The following LY96 variants were observed in gnomAD, a reference collection of about 807,000 sequenced individuals.
LY96 encodes the protein lymphocyte antigen 96, also known as myeloid differentiation protein-2.
A neutral mutation model predicts 18.9 loss-of-function variants in LY96; 18 were observed. That is an observed-to-expected ratio of 0.95 (90% CI 0.66 to 1.41). The LOEUF is 1.41. Ranked by LOEUF, LY96 falls within the 40% of genes most tolerant of loss-of-function variation. The pLI, the probability that LY96 is intolerant of heterozygous loss-of-function variation, is 0.00. For missense variants in LY96, 175 were observed against 182.4 expected, an observed-to-expected ratio of 0.96 and a Z score of 0.23; for synonymous variants, 66 against 62.6, an observed-to-expected ratio of 1.06 and a Z score of -0.26.
downstream of LY96, among the ~76,000 whole-genome samples, chr8:74,031,941 C>T (rs117897092): frequency 1.6e-3 from 244 of 151,888 alleles, 2 homozygotes; most frequent in East Asian, 0.035. Flanking sequence ...CTGGCCAAGA[C>T]GGTGAAACCC....
chr8:73,993,685 C>A (rs569091179), intron 1 of LY96, among the ~76,000 whole-genome samples: 33 of 152,180 alleles, frequency 2.2e-4, no homozygotes, highest in African/African-American at 7.0e-4. Flanking sequence ...TCAGGTGATC[C>A]GCCCACCTTG....
intron 3 of LY96, among the ~76,000 whole-genome samples, chr8:74,016,964 G>A (rs533554470): frequency 5.4e-4 from 82 of 152,358 alleles, no homozygotes; most frequent in African/African-American, 1.7e-3. Context: ...GAGCAGAAAA[G>A]CTGAAAATTC....
chr8:74,062,029 A>G, the LY96 span, among the ~76,000 whole-genome samples: 1 of 152,216 alleles, frequency 6.6e-6, no homozygotes, highest in African/African-American at 2.4e-5. Context: ...CCATGTAACC[A>G]CTACTCAAGC....
chr8:74,036,745 G>T, the LY96 span, among the ~76,000 whole-genome samples: 18 of 152,150 alleles, frequency 1.2e-4, no homozygotes, highest in Non-Finnish European at 2.5e-4. Context: ...GCAGTGCCAT[G>T]GTCTCAGTGA....
At chr8:74,043,000 C>T in the LY96 span, among the ~76,000 whole-genome samples, 1 of 152,124 alleles carries the variant, frequency 6.6e-6, no homozygotes, top group African/African-American at 2.4e-5. Context: ...TGGTCTCAAT[C>T]TCTTGACCTC....
the LY96 span, among the ~76,000 whole-genome samples, chr8:74,077,412 G>C: frequency 6.6e-6 from 1 of 152,200 alleles, no homozygotes. Context: ...TACACTACAG[G>C]TGTGATGATG....
the LY96 span, among the ~76,000 whole-genome samples, chr8:74,086,026 C>T: frequency 6.6e-6 from 1 of 152,260 alleles, no homozygotes. Flanking sequence ...TACCCTCTGA[C>T]CAAGATCTCC....
chr8:74,042,465 G>A, the LY96 span, among the ~76,000 whole-genome samples: 1 of 152,018 alleles, frequency 6.6e-6, no homozygotes, highest in Non-Finnish European at 1.5e-5. Context: ...AGGTTGCAGT[G>A]AGCAACCGAG....
At chr8:74,092,885 T>C in the LY96 span, among the ~76,000 whole-genome samples, 1 of 152,174 alleles carries the variant, frequency 6.6e-6, no homozygotes, top group Non-Finnish European at 1.5e-5. Flanking sequence ...AAGTCCTGAT[T>C]TTCTCTCCCT....
chr8:74,028,477 T>C (rs566446622), intron 4 of LY96, among the ~76,000 whole-genome samples: 1 of 152,188 alleles, frequency 6.6e-6, no homozygotes, highest in Non-Finnish European at 1.5e-5. Flanking sequence ...GAACATTGTT[T>C]AGGAGAATAA....
chr8:74,092,489 A>G, the LY96 span, among the ~76,000 whole-genome samples: 1 of 152,212 alleles, frequency 6.6e-6, no homozygotes, highest in African/African-American at 2.4e-5. Context: ...GGGTCACTCC[A>G]TCACATCCAC....
the LY96 span, among the ~76,000 whole-genome samples, chr8:74,091,715 C>T: frequency 6.6e-6 from 1 of 152,150 alleles, no homozygotes; most frequent in Admixed American, 6.5e-5. Flanking sequence ...TGAAACTGTC[C>T]TTCAACCAGT....
chr8:74,057,288 A>T, the LY96 span, among the ~76,000 whole-genome samples: 1 of 152,186 alleles, frequency 6.6e-6, no homozygotes, highest in African/African-American at 2.4e-5. Flanking sequence ...GATGGCCTCA[A>T]AAGAAGCCTG....
rs536003918 is a variant in LY96, at chr8:74,017,792, A to C, written c.331+7663A>C. Among the ~76,000 whole-genome samples the C allele has an allele frequency of 8.5e-5, 13 of 152,328 alleles. No homozygotes were observed. In the East Asian group the frequency reaches 2.3e-3, roughly 27 times the overall value. On this transcript the variant is annotated intron_variant, in intron 3 of 4. Coordinates refer to ENST00000284818, the MANE Select transcript of LY96 (RefSeq NM_015364.5). ...ATTTTCAACCCAGAATTTCATACCC[A>C]GCCAAACTAAGCTTCACAAGTGAAG...
chr8:74,039,958 A>G, the LY96 span, among the ~76,000 whole-genome samples: 1 of 152,128 alleles, frequency 6.6e-6, no homozygotes, highest in South Asian at 2.1e-4. Flanking sequence ...CTCCAAGGAA[A>G]GGAGACTCCC....
At chr8:74,043,383 CTTTAT>C in the LY96 span, among the ~76,000 whole-genome samples, 2 of 152,108 alleles carry the variant, frequency 1.3e-5, no homozygotes, top group African/African-American at 4.8e-5. Flanking sequence ...TTCTGTAGGG[CTTTAT>C]TCAGGGCTTT....
the LY96 span, among the ~76,000 whole-genome samples, chr8:74,064,856 T>C: frequency 2.1e-4 from 32 of 152,314 alleles, no homozygotes; most frequent in Middle Eastern, 0.017. Context: ...ACTAATAATA[T>C]GTTTAAAATA....
chr8:74,029,915 G>C (rs113598965), downstream of LY96, among the ~76,000 whole-genome samples: 328 of 152,304 alleles, frequency 2.2e-3, 1 homozygote, highest in African/African-American at 6.6e-3. Flanking sequence ...CTCCCAAAGT[G>C]CTGGGATTAC....
the LY96 span, among the ~76,000 whole-genome samples, chr8:74,064,386 G>A: frequency 1.6e-4 from 24 of 152,226 alleles, no homozygotes; most frequent in South Asian, 6.2e-4. Flanking sequence ...CATGGGAGGC[G>A]GATTCCTCAT....
Sources: gnomAD v4.1 joint callset for allele counts (sites outside exome capture counted in the v4.1 genomes callset) on GRCh38, gnomAD v4.1.1 for gene constraint, MANE v1.5 for transcripts, NCBI Gene and HGNC (gene_info 2026-07-23, HGNC 2026-07-21) for gene names.